LTBP2: variants seen among roughly 807,000 people sequenced by gnomAD.
LTBP2 encodes latent-transforming growth factor beta-binding protein 2.
In LTBP2, 103 loss-of-function variants were observed where a neutral mutation model predicts 210.6. That is an observed-to-expected ratio of 0.49 (90% confidence interval 0.42 to 0.58). LTBP2 has a LOEUF of 0.58. Ranked by LOEUF, LTBP2 falls within the 20% of genes least tolerant of loss-of-function variation. The pLI, the probability that LTBP2 is intolerant of heterozygous loss-of-function variation, is 0.00. For synonymous variants in LTBP2, 1,007 were observed against 1,015.0 expected (o/e 0.99, Z 0.15); for missense variants, 2,313 against 2,494.5 (o/e 0.93, Z 1.55).
At chr14:74,585,813 C>T in intron 3 of LTBP2, 41 bp downstream of exon 3, 1 of 1,613,870 alleles carries the variant, frequency 6.2e-7, no homozygotes, top group Non-Finnish European at 8.5e-7. Flanking sequence ...CAAAAAGAGA[C>T]TGAGCCCCAG....
rs760137871 is a variant in LTBP2, at chr14:74,522,087, G to A, written c.2660-48C>T. On this transcript the variant is annotated intron_variant, in intron 16 of 35. Transcript: ENST00000261978. ...GGAGGTCAGGGGGGCCAGCGGTGCC[G>A]TTCTTTGGGCACCTACCAGCAACCT... 15 of 1,583,458 alleles carry A rather than the reference G, an allele frequency of 9.5e-6. No individual in the cohort carries two copies. In the Admixed American group the frequency reaches 1.4e-4, roughly 15 times the overall value.
rs943861265 is a variant in LTBP2 at position 74,510,471 on chromosome 14, C to T, written c.3029-258G>A. Among the ~76,000 whole-genome samples, 4 of 152,236 alleles carry T rather than the reference C, an allele frequency of 2.6e-5. No homozygotes were observed. The East Asian group carries it at 5.8e-4, about 22-fold the overall frequency. ...ATCCACGCAGGGGGCCAGGTCTCCCCGCCCTGGGGCTGGTTTGGCTCATCT... is the reference window on the plus strand; with the variant it reads ...ATCCACGCAGGGGGCCAGGTCTCCCTGCCCTGGGGCTGGTTTGGCTCATCT... On this transcript the variant is annotated intron_variant, in intron 19 of 35. Transcript: ENST00000261978.
chr14:74,511,442 G>A, intron 18 of LTBP2, 78 bp from the exon 19 acceptor site: 2 of 1,583,616 alleles, frequency 1.3e-6, no homozygotes, highest in South Asian at 1.1e-5. Context: ...GCAAATCCTT[G>A]TCCCTGCCTT....
Position 74,585,931 on chromosome 14 carries a change from C to T in LTBP2, c.753G>A (p.Ala251=), listed in dbSNP as rs751683043. ...CTCTGGCCAAGGTGCCCTCTCCAGC[C>T]GCACTGCTCCTGCGCAGGTTGGGTG... ...ERSPNLRRSS[A]AGEGTLARAQ... The change falls in exon 3 of 36, where the codon GCG becomes GCA. Residue 251 remains alanine, a synonymous_variant. Transcript: ENST00000261978. 17 of 1,613,796 alleles carry T rather than the reference C, an allele frequency of 1.1e-5. No individual in the cohort carries two copies. The highest frequency in any genetic ancestry group is 6.6e-5 in the South Asian group (6 of 91,070).
intron 3 of LTBP2, among the ~76,000 whole-genome samples, chr14:74,570,165 A>G (rs986274567): frequency 6.6e-6 from 1 of 152,166 alleles, no homozygotes; most frequent in African/African-American, 2.4e-5. Context: ...ACTCTTTCCC[A>G]AAGCCACAGC....
chr14:74,515,177 C>A lies in LTBP2; in HGVS notation c.2908+1645G>T, dbSNP rs532005199. Among the ~76,000 whole-genome samples, 11 of 151,938 alleles carry A rather than the reference C, an allele frequency of 7.2e-5. No homozygotes were observed. In the East Asian group the frequency reaches 2.1e-3, roughly 29 times the overall value. On this transcript the variant is annotated intron_variant, in intron 18 of 35. Coordinates refer to ENST00000261978, the MANE Select transcript of LTBP2 (RefSeq NM_000428.3). ...GCATTACAGTTCAATTTCCAGACAT[C>A]GCGTCAAAAGCCAAACCCAAGCCTG...
At chr14:74,547,822 C>G (rs2087596953) in intron 8 of LTBP2, among the ~76,000 whole-genome samples, 1 of 152,122 alleles carries the variant, frequency 6.6e-6, no homozygotes, top group Admixed American at 6.5e-5. Context: ...AATGAGCCAG[C>G]TCTTGGGAAC....
At chr14:74,609,899 C>T (rs1241919050) in intron 1 of LTBP2, among the ~76,000 whole-genome samples, 1 of 152,280 alleles carries the variant, frequency 6.6e-6, no homozygotes, top group Non-Finnish European at 1.5e-5. Flanking sequence ...TGGAAGCATG[C>T]ATTCACTTGC....
At chr14:74,522,663 C>T in intron 16 of LTBP2, 127 bp downstream of exon 16, 1 of 1,196,088 alleles carries the variant, frequency 8.4e-7, no homozygotes, top group Non-Finnish European at 1.1e-6. Context: ...TGTGCTCCTC[C>T]TAAACTCATC....
rs1380798461 is a variant in LTBP2 at position 74,551,259 on chromosome 14, C to A, written c.1491G>T (p.Gly497=). ...QIHQVAQVRG[G]VEEALVENSV... ...TGTTCTCCACTAGGGCCTCCTCCAC[C>A]CCGCCCCGCACCTGGGCCACCTGGT... The change falls in exon 7 of 36, where the codon GGG becomes GGT. Residue 497 remains glycine, a synonymous_variant. Transcript: ENST00000261978. 1 of 1,611,000 alleles carries A rather than the reference C, an allele frequency of 6.2e-7. No homozygotes were observed. Among genetic ancestry groups the A allele is most frequent in the Non-Finnish European group, 8.5e-7 (1 of 1,178,950 alleles).
intron 9 of LTBP2, 98 bp from the exon 10 acceptor site, chr14:74,532,646 A>G (rs753148061): frequency 2.4e-5 from 34 of 1,412,472 alleles, no homozygotes; most frequent in Non-Finnish European, 3.2e-5. Flanking sequence ...TCCAGATAAA[A>G]CAACAACAAA....
chr14:74,608,070 G>A (rs1049772008), intron 1 of LTBP2, among the ~76,000 whole-genome samples: 53 of 151,650 alleles, frequency 3.5e-4, no homozygotes, highest in African/African-American at 7.0e-4. Flanking sequence ...ACAGGCGCCC[G>A]CCACCGCGCC....
At chr14:74,524,807 T>A (rs2087250755) in intron 15 of LTBP2, among the ~76,000 whole-genome samples, 1 of 152,182 alleles carries the variant, frequency 6.6e-6, no homozygotes, top group Non-Finnish European at 1.5e-5. Context: ...TCACTCCCCA[T>A]GCTCCCCTTC....
Position 74,607,820 on chromosome 14 carries a change from G to A in LTBP2, c.494+3631C>T, listed in dbSNP as rs554989364. 2.6e-4 allele frequency among the ~76,000 whole-genome samples: 39 copies of A among 152,190 alleles called. No homozygotes were observed. The South Asian group carries it at 7.7e-3, about 30-fold the overall frequency. The stretch of plus-strand genomic sequence containing the variant: ...AAATTCAGGGTAGTGGTTAACTCTG[G>A]GGAGGGAAGGAGGCAAATTTATAGA... On this transcript the variant is annotated intron_variant, in intron 1 of 35. Coordinates refer to ENST00000261978, the MANE Select transcript of LTBP2 (RefSeq NM_000428.3).
At chr14:74,577,590 C>A (rs7141331) in intron 3 of LTBP2, among the ~76,000 whole-genome samples, 7,555 of 151,130 alleles carry the variant, frequency 0.05, 618 homozygotes, top group African/African-American at 0.17. Flanking sequence ...TTCACTGCAA[C>A]CTCTACCTCC....
chr14:74,568,477 G>A (rs1163282986), intron 3 of LTBP2, among the ~76,000 whole-genome samples: 1 of 151,994 alleles, frequency 6.6e-6, no homozygotes, highest in Non-Finnish European at 1.5e-5. Flanking sequence ...AAGCATAAAC[G>A]GACATATTCA....
At chr14:74,512,573 T>G (rs929705620) in intron 18 of LTBP2, among the ~76,000 whole-genome samples, 5 of 152,140 alleles carry the variant, frequency 3.3e-5, no homozygotes, top group Non-Finnish European at 7.4e-5. Context: ...CTGAGGTTGT[T>G]TGGCTTCCAG....
At chr14:74,527,445 TCA>T (rs1252945917) in intron 12 of LTBP2, 79 bp from the exon 13 acceptor site, 13 of 1,506,488 alleles carry the variant, frequency 8.6e-6, no homozygotes, top group Non-Finnish European at 1.2e-5. Flanking sequence ...CTGGGCGGCT[TCA>T]CAGTCTGCGC....
chr14:74,524,128 T>C (rs2087241843), intron 15 of LTBP2, among the ~76,000 whole-genome samples: 1 of 151,876 alleles, frequency 6.6e-6, no homozygotes, highest in African/African-American at 2.4e-5. Flanking sequence ...GAGCTTGGCC[T>C]GCCCCCTGCC....
Sources: gnomAD v4.1 joint callset for allele counts (sites outside exome capture counted in the v4.1 genomes callset) on GRCh38, gnomAD v4.1.1 for gene constraint, MANE v1.5 for transcripts, NCBI Gene and HGNC (gene_info 2026-07-23, HGNC 2026-07-21) for gene names.